Variants in MZB1 observed in about 807,000 individuals in gnomAD.
The protein encoded by MZB1 is marginal zone B- and B1-cell-specific protein.
Under a neutral mutation model 17.2 loss-of-function variants are expected in MZB1, and 10 were observed. The observed-to-expected ratio is 0.58, with a 90% confidence interval of 0.36 to 0.98. The LOEUF is 0.98. Among genes scored for constraint, MZB1 ranks in the 50% least tolerant of loss-of-function variants. The probability of loss-of-function intolerance (pLI) is 0.01; values close to 1 mark genes in which losing one functional copy is unlikely to be tolerated. For synonymous variants in MZB1, 99 were observed against 98.7 expected, an observed-to-expected ratio of 1.00 and a Z score of -0.02; for missense variants, 246 against 237.5, an observed-to-expected ratio of 1.04 and a Z score of -0.23.
At chr5:139,388,310 G>A (rs1758548630) in intron 2 of MZB1, 151 bp downstream of exon 2, 1 of 1,093,354 alleles carries the variant, frequency 9.1e-7, no homozygotes, top group Admixed American at 2.7e-5. Context: ...CTTGCTCTCA[G>A]CTCCAGAGCC....
At chr5:139,388,763 T>A (rs1449240586) in intron 1 of MZB1, 178 bp from the exon 2 acceptor site, 1 of 1,052,552 alleles carries the variant, frequency 9.5e-7, no homozygotes, top group Non-Finnish European at 1.3e-6. Flanking sequence ...CTCTCTGGGA[T>A]GGGGATGGGG....
In MZB1 at chr5:139,387,719, G is replaced by A. The variant is rs62001866; in HGVS notation, c.*46C>T. 47,594 of 1,479,816 alleles carry A rather than the reference G, an allele frequency of 0.032. 901 individuals are homozygous for A. The highest frequency in any genetic ancestry group is 0.07 in the African/African-American group (4,934 of 70,174). The allele number at this position is 1,479,816 out of a possible 1,614,324, so 91.7% of individuals were successfully genotyped here. ...CTGCCTGCAGACGGGAGTGGAGACC[G>A]TCAGAGCAAGCCCCAGCTTCTTTCA... On this transcript the variant is annotated 3_prime_UTR_variant, in exon 4 of 4. Transcript: ENST00000302125.
intron 1 of MZB1, chr5:139,389,033 G>A: frequency 4.8e-6 from 1 of 206,880 alleles, no homozygotes; most frequent in South Asian, 6.6e-5. Context: ...ACCACACCCG[G>A]CTAAAATTTT....
In MZB1 at chr5:139,387,899, A is replaced by G. The variant is rs1758541409; in HGVS notation, c.436T>C (p.Tyr146His). The G allele has an allele frequency of 1.3e-6, 2 of 1,592,170 alleles. No individual in the cohort carries two copies. Among genetic ancestry groups the G allele is most frequent in the East Asian group, 4.5e-5 (2 of 44,796 alleles). The change falls in exon 4 of 4, where the codon TAC becomes CAC. Residue 146 changes from tyrosine to histidine, a missense_variant. Physicochemically the swap from Tyr to His is moderately conservative, Grantham distance 83. Transcript: ENST00000302125. ...PTRLSRTCLH[Y>H]LGEFGEDQIY... Reference sequence around the variant, plus strand: ...TGGTCTTCTCCAAACTCCCCCAAGTAGTGCAAACATGTCCTGGAGAGCCTA... The same window carrying G: ...TGGTCTTCTCCAAACTCCCCCAAGTGGTGCAAACATGTCCTGGAGAGCCTA...
chr5:139,388,077 G>T lies in MZB1; in HGVS notation c.357C>A (p.Ser119Arg). The T allele has an allele frequency of 6.4e-7, 1 of 1,553,102 alleles. No homozygotes were observed. The highest frequency in any genetic ancestry group is 2.4e-5 in the East Asian group (1 of 41,034). The change falls in exon 3 of 4, where the codon AGC becomes AGA. Residue 119 changes from serine to arginine, a missense_variant. Physicochemically the swap from Ser to Arg is moderately radical, Grantham distance 110. Transcript: ENST00000302125. ...QVKRLTGPGL[S>R]EGPEPSISVM... Reference sequence around the variant, plus strand: ...CGCTGATGCTTGGCTCTGGCCCCTCGCTAAGTCCTGGGCCTGTGAGACGTT... The same window carrying T: ...CGCTGATGCTTGGCTCTGGCCCCTCTCTAAGTCCTGGGCCTGTGAGACGTT...
At chr5:139,389,656 G>T in intron 1 of MZB1, 24 bp downstream of exon 1, 1 of 1,579,096 alleles carries the variant, frequency 6.3e-7, no homozygotes, top group Non-Finnish European at 8.6e-7. Flanking sequence ...GAGCAGGGCA[G>T]GGTGACAGTG....
At position 139,387,622 on chromosome 5, in the gene MZB1, G is replaced by A. The variant is rs1758536191; in HGVS notation, c.*143C>T. 1 of 1,042,750 alleles carries A rather than the reference G, an allele frequency of 9.6e-7. No homozygotes were observed. The highest frequency in any genetic ancestry group is 1.3e-6 in the Non-Finnish European group (1 of 768,242). The allele number at this position is 1,042,750 out of a possible 1,614,324, so 64.6% of individuals were successfully genotyped here. A position where few individuals can be genotyped will look rare whatever the true frequency, so the allele number is the denominator to read the frequency against. On this transcript the variant is annotated 3_prime_UTR_variant, in exon 4 of 4. Transcript: ENST00000302125. ...AGGGGAAGGCGTTGACTCCCACCCA[G>A]GCCCGAGTGCCCTGAGGCTGGAGGA...
intron 1 of MZB1, chr5:139,389,163 C>T (rs1040763728): frequency 9.1e-5 from 27 of 296,390 alleles, no homozygotes; most frequent in African/African-American, 2.7e-4. Flanking sequence ...TGAGCCACCG[C>T]GCCCGGCCGG....
chr5:139,388,368 AGT>A (rs1377378689), intron 2 of MZB1, 91 bp downstream of exon 2: 13 of 1,342,748 alleles, frequency 9.7e-6, no homozygotes, highest in South Asian at 4.1e-5. Flanking sequence ...GTCCTAGAGG[AGT>A]GTGTGTGTTG....
chr5:139,387,770 GCTCTT>G lies in MZB1; in HGVS notation c.560_564del (p.Glu187AlafsTer10), dbSNP rs1758538882. 6.5e-7 allele frequency: 1 copy of G among 1,542,404 alleles called. No individual in the cohort carries two copies. The highest frequency in any genetic ancestry group is 8.7e-7 in the Non-Finnish European group (1 of 1,152,848). ...GAGGAGGGTAGAGTCCAGGACTAGA[GCTCTT>G]CTCTTGTGGCTGACACCTTCTCTGA... is the stretch of plus-strand genomic sequence containing the variant. On this transcript the variant is annotated frameshift_variant, in exon 4 of 4. Transcript: ENST00000302125. LOFTEE classifies it high-confidence loss of function.
intron 1 of MZB1, 21 bp downstream of exon 1, chr5:139,389,659 T>G (rs752913234): frequency 7.0e-6 from 11 of 1,578,676 alleles, no homozygotes; most frequent in Non-Finnish European, 9.5e-6. Context: ...CAGGGCAGGG[T>G]GACAGTGGTG....
In MZB1 at chr5:139,388,093, G is replaced by C. The variant is rs1561986900; in HGVS notation, c.341C>G (p.Thr114Arg). ...VREVDQVKRL[T>R]GPGLSEGPEP... ...TGGCCCCTCGCTAAGTCCTGGGCCT[G>C]TGAGACGTTTCACTTGGTCCACTTC... is the stretch of plus-strand genomic sequence containing the variant. The change falls in exon 3 of 4, where the codon ACA (threonine) becomes AGA (arginine). Residue 114 changes from threonine to arginine, a missense_variant. Thr to Arg is a moderately conservative substitution (Grantham distance 71). Transcript: ENST00000302125. 1.3e-6 allele frequency: 2 copies of C among 1,552,236 alleles called. No homozygotes were observed. The highest frequency in any genetic ancestry group is 2.4e-5 in the South Asian group (2 of 84,122).
rs889835218 is a variant in MZB1, at chr5:139,388,076, C to T, written c.358G>A (p.Glu120Lys). 3.2e-6 allele frequency: 5 copies of T among 1,553,278 alleles called. No individual in the cohort carries two copies. The highest frequency in any genetic ancestry group is 3.9e-5 in the Admixed American group (2 of 51,148). ...ACGCTGATGCTTGGCTCTGGCCCCTCGCTAAGTCCTGGGCCTGTGAGACGT... is the reference window on the plus strand; with the variant it reads ...ACGCTGATGCTTGGCTCTGGCCCCTTGCTAAGTCCTGGGCCTGTGAGACGT... ...VKRLTGPGLS[E>K]GPEPSISVMV... The change falls in exon 3 of 4, where the codon GAG becomes AAG. Residue 120 changes from glutamate to lysine, a missense_variant. Glu to Lys is a moderately conservative substitution (Grantham distance 56). Coordinates refer to ENST00000302125, the MANE Select transcript of MZB1 (RefSeq NM_016459.4).
At position 139,389,797 on chromosome 5, in the gene MZB1, G is replaced by GC. The variant is rs769052654; in HGVS notation, c.59dup (p.Leu21ProfsTer16). Reference sequence around the variant, plus strand: ...CTGTGAGTGGCGCCCTGTCCCCGAGGCCCCCTGGGATGGCCCAGGCTCCCA... The same window carrying GC: ...CTGTGAGTGGCGCCCTGTCCCCGAGGCCCCCCTGGGATGGCCCAGGCTCCCA... On this transcript the variant is annotated frameshift_variant, in exon 1 of 4. Transcript: ENST00000302125. LOFTEE classifies it high-confidence loss of function. The GC allele has an allele frequency of 6.4e-7, 1 of 1,551,186 alleles. No homozygotes were observed. Among genetic ancestry groups the GC allele is most frequent in the Middle Eastern group, 1.7e-4 (1 of 5,974 alleles).
intron 3 of MZB1, 40 bp from the exon 4 acceptor site, chr5:139,387,961 C>T: frequency 3.2e-6 from 5 of 1,580,102 alleles, no homozygotes; most frequent in Non-Finnish European, 4.3e-6. Context: ...CTGCCCAGCC[C>T]ACAGTGGGGC....
intron 2 of MZB1, 26 bp from the exon 3 acceptor site, chr5:139,388,157 TAC>T (rs2152075818): frequency 2.6e-6 from 4 of 1,542,940 alleles, no homozygotes; most frequent in African/African-American, 1.4e-5. Flanking sequence ...AGGAGAGGAG[TAC>T]AGTTTTGGCA....
chr5:139,388,053 G>C lies in MZB1; in HGVS notation c.381C>G (p.Ser127Arg), dbSNP rs1210478023. The stretch of plus-strand genomic sequence containing the variant: ...GCCAGGGGCCCCCTGTGACCATCAC[G>C]CTGATGCTTGGCTCTGGCCCCTCGC... ...GLSEGPEPSISVMVTGGPWPT... is the reference protein window; with the variant it reads ...GLSEGPEPSIRVMVTGGPWPT... The change falls in exon 3 of 4, where the codon AGC (serine) becomes AGG (arginine). Residue 127 changes from serine (S) to arginine (R), a missense_variant. By Grantham distance (110) the Ser-to-Arg change is moderately radical. Coordinates refer to ENST00000302125, the MANE Select transcript of MZB1 (RefSeq NM_016459.4). 6.4e-7 allele frequency: 1 copy of C among 1,554,924 alleles called. No individual in the cohort carries two copies. Among genetic ancestry groups the C allele is most frequent in the Non-Finnish European group, 8.7e-7 (1 of 1,148,906 alleles).
rs1386669876 is a variant in MZB1, at chr5:139,387,892, C to A, written c.443G>T (p.Gly148Val). The A allele has an allele frequency of 1.3e-6, 2 of 1,596,474 alleles. No individual in the cohort carries two copies. Among genetic ancestry groups the A allele is most frequent in the East Asian group, 4.5e-5 (2 of 44,822 alleles). The change falls in exon 4 of 4, where the codon GGG becomes GTG. Residue 148 changes from glycine (G) to valine (V), a missense_variant. Gly to Val is a moderately radical substitution (Grantham distance 109, BLOSUM62 -3). Transcript: ENST00000302125. ...RLSRTCLHYL[G>V]EFGEDQIYEA... ...ATAGATCTGGTCTTCTCCAAACTCC[C>A]CCAAGTAGTGCAAACATGTCCTGGA...
rs145343486 is a variant in MZB1 at position 139,387,825 on chromosome 5, T to C, written c.510A>G (p.Leu170=). The part of the protein sequence containing the change: ...QQGRGALEAL[L]CGGPQGACSE... ...AGCAGGCCCCCTGGGGTCCCCCACA[T>C]AGCAATGCCTCCAGAGCCCCTCGGC... The change falls in exon 4 of 4, where the codon CTA becomes CTG. Residue 170 remains leucine, a synonymous_variant. Coordinates refer to ENST00000302125, the MANE Select transcript of MZB1 (RefSeq NM_016459.4). 2.8e-5 allele frequency: 45 copies of C among 1,599,510 alleles called. No homozygotes were observed. The highest frequency in any genetic ancestry group is 3.6e-5 in the Non-Finnish European group (42 of 1,174,598).
Sources: allele counts gnomAD v4.1 joint callset, GRCh38; gene constraint gnomAD v4.1.1; transcripts MANE v1.5; gene names NCBI Gene and HGNC (gene_info 2026-07-23, HGNC 2026-07-21).